Variants in CASD1 observed in about 807,000 individuals in gnomAD.
The protein encoded by CASD1 is CAS1 domain sialic acid O acetyltransferase 1.
CASD1 carries 41 observed loss-of-function variants against 100.0 expected under a neutral mutation model. That is an observed-to-expected ratio of 0.41 (90% confidence interval 0.32 to 0.53). The LOEUF is 0.53. CASD1 is among the 20% of genes least tolerant of loss of function. CASD1 has a pLI of 0.25. For missense variants in CASD1, 774 were observed against 948.7 expected (o/e 0.82, Z 2.42); for synonymous variants, 321 against 315.6 (o/e 1.02, Z -0.18).
chr7:94,564,136 A>G, the CASD1 span, among the ~76,000 whole-genome samples: 3 of 152,210 alleles, frequency 2.0e-5, no homozygotes, highest in Non-Finnish European at 2.9e-5. Flanking sequence ...TTTCATGTGA[A>G]TGCACACAAT....
chr7:94,567,770 T>C, the CASD1 span, among the ~76,000 whole-genome samples: 1 of 152,316 alleles, frequency 6.6e-6, no homozygotes, highest in South Asian at 2.1e-4. Context: ...AATAAAATAT[T>C]AAGGGCAGAT....
the CASD1 span, chr7:94,624,481 CCTCT>C: frequency 2.9e-6 from 1 of 346,046 alleles, no homozygotes; most frequent in East Asian, 4.2e-5. Flanking sequence ...GTTAAAAGAA[CCTCT>C]CTCTCCAGGA....
the CASD1 span, among the ~76,000 whole-genome samples, chr7:94,591,956 A>C: frequency 6.6e-6 from 1 of 152,222 alleles, no homozygotes; most frequent in African/African-American, 2.4e-5. Flanking sequence ...CACTCCTTGC[A>C]GTTTCAAAGG....
chr7:94,592,404 C>T, the CASD1 span, among the ~76,000 whole-genome samples: 1 of 151,952 alleles, frequency 6.6e-6, no homozygotes, highest in African/African-American at 2.4e-5. Context: ...AAATAGAGGC[C>T]CTATAATCCT....
In CASD1 at chr7:94,510,745, G is replaced by T. The variant is rs566368727; in HGVS notation, c.133+528G>T. 3.4e-4 allele frequency among the ~76,000 whole-genome samples: 52 copies of T among 152,344 alleles called. 2 individuals are homozygous for T. The South Asian group carries it at 9.7e-3, about 29-fold the overall frequency. On this transcript the variant is annotated intron_variant, in intron 1 of 17. Coordinates refer to ENST00000297273, the MANE Select transcript of CASD1 (RefSeq NM_022900.5). The stretch of plus-strand genomic sequence containing the variant: ...ACCCAGTCTGGGCTGTTGGACAGCG[G>T]CAAGGGCCGCCCCCATTTTCCTTTG...
rs116837164 is a variant in CASD1 at position 94,555,567 on chromosome 7, A to G, written c.2203A>G (p.Met735Val). The G allele has an allele frequency of 3.6e-5, 58 of 1,613,544 alleles. No individual in the cohort carries two copies. In the African/African-American group the frequency reaches 3.6e-4, roughly 10 times the overall value. ...CTTGGTACTGATACCTGGAAACCCTATGCTCAACATCATTGTCAGCACTTT... is the reference window on the plus strand; with the variant it reads ...CTTGGTACTGATACCTGGAAACCCTGTGCTCAACATCATTGTCAGCACTTT... ...GILVLIPGNP[M>V]LNIIVSTFIF... Residue 735 changes from methionine (M) to valine (V), a missense_variant, in exon 18 of 18, where the codon ATG becomes GTG. Physicochemically the swap from Met to Val is conservative, Grantham distance 21. Transcript: ENST00000297273.
intron 3 of CASD1, among the ~76,000 whole-genome samples, chr7:94,519,907 G>A (rs1794176968): frequency 6.6e-6 from 1 of 152,140 alleles, no homozygotes; most frequent in African/African-American, 2.4e-5. Flanking sequence ...TCGAATAATG[G>A]ATTTGACAAT....
At chr7:94,549,674 T>C (rs751335632) in intron 14 of CASD1, 40 bp downstream of exon 14, 4 of 1,455,284 alleles carry the variant, frequency 2.7e-6, no homozygotes, top group Admixed American at 1.9e-5. Context: ...TTTCAAATTA[T>C]ACTGTTGGAA....
intron 16 of CASD1, 47 bp downstream of exon 16, chr7:94,552,474 G>GA (rs1376562012): frequency 1.4e-6 from 2 of 1,460,160 alleles, no homozygotes; most frequent in Non-Finnish European, 1.9e-6. Context: ...TTCTTGATAA[G>GA]AAAATGGTTT....
At chr7:94,548,908 A>G (rs1442286553) in intron 13 of CASD1, among the ~76,000 whole-genome samples, 1 of 151,956 alleles carries the variant, frequency 6.6e-6, no homozygotes, top group Non-Finnish European at 1.5e-5. Flanking sequence ...TGTCAGATTC[A>G]TAAGAGGGTA....
intron 8 of CASD1, among the ~76,000 whole-genome samples, chr7:94,536,745 G>C (rs746724190): frequency 1.3e-5 from 2 of 152,130 alleles, no homozygotes; most frequent in Non-Finnish European, 2.9e-5. Context: ...TTCCACAGAT[G>C]CCTAAACTAT....
chr7:94,536,842 G>T (rs1795147136), intron 8 of CASD1, among the ~76,000 whole-genome samples: 1 of 152,124 alleles, frequency 6.6e-6, no homozygotes, highest in Non-Finnish European at 1.5e-5. Context: ...ATCAAACCAT[G>T]TTGAAGGTTC....
At chr7:94,605,989 C>T in the CASD1 span, among the ~76,000 whole-genome samples, 1 of 151,938 alleles carries the variant, frequency 6.6e-6, no homozygotes, top group Non-Finnish European at 1.5e-5. Flanking sequence ...CCACCACACC[C>T]AGCTAATTTT....
chr7:94,629,895 C>G, the CASD1 span: 1 of 1,599,750 alleles, frequency 6.3e-7, no homozygotes, highest in Non-Finnish European at 8.6e-7. Context: ...GAGATACGCC[C>G]TTGATAATTC....
In CASD1 at chr7:94,549,528, T is replaced by C. The variant is rs2116405489; in HGVS notation, c.1714-5T>C. On this transcript the variant is annotated splice_polypyrimidine_tract_variant and splice_region_variant and intron_variant, in intron 13 of 17. Transcript: ENST00000297273. The stretch of plus-strand genomic sequence containing the variant: ...TTAATTTATTTTCTGGATTCCTTTT[T>C]TCAGGGTGCATTTGAGAAGATCTTT... 1 of 1,597,270 alleles carries C rather than the reference T, an allele frequency of 6.3e-7. No individual in the cohort carries two copies. Among genetic ancestry groups the C allele is most frequent in the Non-Finnish European group, 8.5e-7 (1 of 1,171,730 alleles).
the CASD1 span, among the ~76,000 whole-genome samples, chr7:94,579,431 A>C: frequency 6.6e-6 from 1 of 152,172 alleles, no homozygotes; most frequent in Non-Finnish European, 1.5e-5. Context: ...AATTGACTGC[A>C]AAGTGAGATC....
chr7:94,535,478 G>C lies in CASD1; in HGVS notation c.798G>C (p.Met266Ile), dbSNP rs778693082. The change falls in exon 8 of 18, where the codon ATG (methionine) becomes ATC (isoleucine). Residue 266 changes from methionine (M) to isoleucine (I), a missense_variant. Physicochemically the swap from Met to Ile is conservative, Grantham distance 10. Coordinates refer to ENST00000297273, the MANE Select transcript of CASD1 (RefSeq NM_022900.5). ...AATTAATTGCTCAAGAAACCATCAT[G>C]GAATCTTTGGATGGCTTACATCTTC... ...VSKLIAQETI[M>I]ESLDGLHLPE... 6.2e-7 allele frequency: 1 copy of C among 1,613,538 alleles called. No homozygotes were observed. The highest frequency in any genetic ancestry group is 1.7e-5 in the Admixed American group (1 of 59,982).
chr7:94,600,717 A>T, the CASD1 span: 3 of 1,613,770 alleles, frequency 1.9e-6, no homozygotes, highest in African/African-American at 4.0e-5. Context: ...CCGAGGGCAC[A>T]GCCAGTGTAA....
chr7:94,509,879 C>T lies in CASD1; in HGVS notation c.-206C>T. ...CGGCGGCGGGGCTGGGGGGAGGCCG[C>T]CGAGTCGGCCGCGGCCGAGGAGGGG... On this transcript the variant is annotated 5_prime_UTR_variant, in exon 1 of 18. Coordinates refer to ENST00000297273, the MANE Select transcript of CASD1 (RefSeq NM_022900.5). 9.6e-7 allele frequency: 1 copy of T among 1,039,800 alleles called. No individual in the cohort carries two copies. The highest frequency in any genetic ancestry group is 1.2e-6 in the Non-Finnish European group (1 of 866,218). The allele number at this position is 1,039,800 out of a possible 1,614,324, so 64.4% of individuals were successfully genotyped here.
Sources: allele counts gnomAD v4.1 joint callset (sites outside exome capture counted in the v4.1 genomes callset), GRCh38; gene constraint gnomAD v4.1.1; transcripts MANE v1.5; gene names NCBI Gene and HGNC (gene_info 2026-07-23, HGNC 2026-07-21).